Variants in SYNPR observed in about 807,000 individuals in gnomAD.
SYNPR encodes the protein synaptoporin.
Under a neutral mutation model 32.9 loss-of-function variants are expected in SYNPR, and 23 were observed. The ratio of observed to expected loss-of-function variants is 0.70; its 90% CI spans 0.50 to 0.99. The LOEUF is 0.99. Ranked by LOEUF, SYNPR falls within the 50% of genes least tolerant of loss-of-function variation. SYNPR has a pLI of 0.00. For synonymous variants in SYNPR, 146 were observed against 135.9 expected (o/e 1.07, Z -0.52); for missense variants, 318 against 349.3 (o/e 0.91, Z 0.71).
At chr3:63,473,923 C>T (rs1284027742) in intron 2 of SYNPR, among the ~76,000 whole-genome samples, 1 of 152,124 alleles carries the variant, frequency 6.6e-6, no homozygotes, top group Non-Finnish European at 1.5e-5. Context: ...TAAAATGTGC[C>T]CACTCAGTTA....
the SYNPR span, among the ~76,000 whole-genome samples, chr3:63,201,503 G>A: frequency 6.6e-6 from 1 of 152,124 alleles, no homozygotes; most frequent in African/African-American, 2.4e-5. Context: ...AGGATCACTA[G>A]TAGGATAACA....
At chr3:63,250,796 C>T (rs757409060) in intron 1 of SYNPR, among the ~76,000 whole-genome samples, 5 of 152,140 alleles carry the variant, frequency 3.3e-5, no homozygotes, top group Non-Finnish European at 7.4e-5. Flanking sequence ...TGATGTCAAC[C>T]TGCCTACTCA....
At chr3:63,571,826 G>A (rs1702892684) in intron 4 of SYNPR, among the ~76,000 whole-genome samples, 1 of 152,070 alleles carries the variant, frequency 6.6e-6, no homozygotes, top group African/African-American at 2.4e-5. Flanking sequence ...CTGGACAAAG[G>A]TGACCCCGCC....
chr3:63,583,718 G>A (rs141983410), intron 4 of SYNPR, among the ~76,000 whole-genome samples: 27 of 152,208 alleles, frequency 1.8e-4, no homozygotes, highest in East Asian at 7.7e-4. Context: ...AATGTTTTAC[G>A]TACCAAAGGC....
In SYNPR at chr3:63,281,227, G is replaced by A. The variant is rs189649335; in HGVS notation, c.84+2485G>A. The stretch of plus-strand genomic sequence containing the variant: ...TTCATAGCGCTTGGTTAAACAGCAA[G>A]TAATCAGCAAAAATTGTAAACCGGT... On this transcript the variant is annotated intron_variant, in intron 2 of 5. Coordinates refer to ENST00000478300, the MANE Select transcript of SYNPR (RefSeq NM_001130003.2). Among the ~76,000 whole-genome samples the A allele has an allele frequency of 6.2e-4, 95 of 152,290 alleles. 1 individual carries two copies. The highest frequency in any genetic ancestry group is 2.2e-3 in the African/African-American group (92 of 41,552).
chr3:63,265,081 AAC>A (rs1233959217), intron 2 of SYNPR, among the ~76,000 whole-genome samples: 1 of 152,068 alleles, frequency 6.6e-6, no homozygotes, highest in Non-Finnish European at 1.5e-5. Flanking sequence ...GAAAATAAAA[AAC>A]AGTTTAAAAT....
intron 2 of SYNPR, chr3:63,289,469 AGAGATCACATGG>A (rs2086717896): frequency 6.2e-6 from 1 of 160,360 alleles, no homozygotes. Context: ...TGGTGTGTGC[AGAGATCACATGG>A]TGAGAAAGGA....
chr3:63,422,176 T>C (rs1699811557), intron 2 of SYNPR, among the ~76,000 whole-genome samples: 1 of 152,202 alleles, frequency 6.6e-6, no homozygotes, highest in Non-Finnish European at 1.5e-5. Context: ...CCATCTCCTG[T>C]TTACCACACC....
At chr3:63,608,514 A>G (rs558708868) in intron 4 of SYNPR, among the ~76,000 whole-genome samples, 64 of 152,362 alleles carry the variant, frequency 4.2e-4, no homozygotes, top group Non-Finnish European at 7.8e-4. Context: ...ATTGTCTTCC[A>G]CATAACATAG....
At chr3:63,318,960 G>A (rs112172427) in intron 2 of SYNPR, among the ~76,000 whole-genome samples, 6,588 of 151,946 alleles carry the variant, frequency 0.043, 446 homozygotes, top group African/African-American at 0.15. Flanking sequence ...TTCCCTTGAC[G>A]TAGTACTCTC....
intron 4 of SYNPR, among the ~76,000 whole-genome samples, chr3:63,577,096 G>A (rs189376251): frequency 3.9e-4 from 60 of 152,250 alleles, no homozygotes; most frequent in African/African-American, 1.3e-3. Flanking sequence ...GGGCAGATCT[G>A]GGCCTGTTGG....
chr3:63,553,751 C>T (rs1028679256), intron 3 of SYNPR, among the ~76,000 whole-genome samples: 5 of 152,096 alleles, frequency 3.3e-5, no homozygotes, highest in Admixed American at 6.6e-5. Flanking sequence ...GACGGAGTTT[C>T]GCTCTTGTTG....
At chr3:63,414,009 CATAT>C (rs965536250) in intron 2 of SYNPR, among the ~76,000 whole-genome samples, 4 of 149,248 alleles carry the variant, frequency 2.7e-5, no homozygotes, top group South Asian at 2.1e-4. Flanking sequence ...AATATATATA[CATAT>C]ATATATATAT....
rs571865998 is a variant in SYNPR, at chr3:63,490,928, T to A, written c.209+9972T>A. Among the ~76,000 whole-genome samples, 14 of 152,208 alleles carry A rather than the reference T, an allele frequency of 9.2e-5. No individual in the cohort carries two copies. In the South Asian group the frequency reaches 2.9e-3, roughly 32 times the overall value. ...ACAGGCAGCCACCATCACACTAAGC[T>A]AATTTTTGTATTTTTAGTAGAGATG... On this transcript the variant is annotated intron_variant, in intron 3 of 5. Coordinates refer to ENST00000478300, the MANE Select transcript of SYNPR (RefSeq NM_001130003.2).
chr3:63,351,839 G>T (rs1407493147), intron 2 of SYNPR, among the ~76,000 whole-genome samples: 1 of 149,388 alleles, frequency 6.7e-6, no homozygotes, highest in Non-Finnish European at 1.5e-5. Flanking sequence ...AGTTCTAAGT[G>T]GGGGAGAGAT....
intron 3 of SYNPR, among the ~76,000 whole-genome samples, chr3:63,501,506 A>G (rs1398358341): frequency 3.5e-4 from 51 of 146,448 alleles, no homozygotes; most frequent in South Asian, 1.7e-3. Context: ...AAAAAAAAAA[A>G]AAAAAAAAGA....
chr3:63,596,529 C>A (rs1297579005), intron 4 of SYNPR, among the ~76,000 whole-genome samples: 1 of 152,032 alleles, frequency 6.6e-6, no homozygotes, highest in East Asian at 1.9e-4. Flanking sequence ...GGCAGGATTG[C>A]CCCTGTGGGC....
intron 3 of SYNPR, among the ~76,000 whole-genome samples, chr3:63,491,256 G>A (rs1442568052): frequency 6.6e-6 from 1 of 152,052 alleles, no homozygotes; most frequent in African/African-American, 2.4e-5. Flanking sequence ...AATCGGTAGG[G>A]GTCCATTCAG....
At chr3:63,443,780 C>T (rs961637818) in intron 2 of SYNPR, among the ~76,000 whole-genome samples, 3 of 152,156 alleles carry the variant, frequency 2.0e-5, no homozygotes, top group African/African-American at 7.2e-5. Flanking sequence ...TTCTACCCTA[C>T]CCCTCCTTCC....
Sources: allele counts gnomAD v4.1 joint callset (sites outside exome capture counted in the v4.1 genomes callset), GRCh38; gene constraint gnomAD v4.1.1; transcripts MANE v1.5; gene names NCBI Gene and HGNC (gene_info 2026-07-23, HGNC 2026-07-21).